RYR2: variants seen among roughly 807,000 people sequenced by gnomAD.
RYR2 encodes ryanodine receptor 2, also known as cardiac muscle ryanodine receptor-calcium release channel.
RYR2 carries 227 observed loss-of-function variants against 601.1 expected under a neutral mutation model. The observed-to-expected ratio is 0.38, with a 90% CI of 0.34 to 0.42. RYR2 has a LOEUF of 0.42. Among genes scored for constraint, RYR2 ranks in the 10% least tolerant of loss-of-function variants. The pLI, the probability that RYR2 is intolerant of heterozygous loss-of-function variation, is 1.00. For missense variants in RYR2, 4,646 were observed against 6,156.5 expected, an observed-to-expected ratio of 0.75 and a Z score of 8.21; for synonymous variants, 2,223 against 2,175.1, an observed-to-expected ratio of 1.02 and a Z score of -0.61.
At position 237,617,449 on chromosome 1, in the gene RYR2, G is replaced by A. The variant is rs1678599865; in HGVS notation, c.5879G>A (p.Arg1960Lys). The A allele has an allele frequency of 6.2e-7, 1 of 1,613,710 alleles. No individual in the cohort carries two copies. Among genetic ancestry groups the A allele is most frequent in the South Asian group, 1.1e-5 (1 of 91,064 alleles). Residue 1960 changes from arginine (R) to lysine (K), a missense_variant, in exon 38 of 105, where the codon AGG becomes AAG. Physicochemically the swap from Arg to Lys is conservative, Grantham distance 26. Coordinates refer to ENST00000366574, the MANE Select transcript of RYR2 (RefSeq NM_001035.3). ...AACATGTCAGCTGCACTCACAGCCA[G>A]GAAGACAAAGGAATTTAGATCACCA... ...ALNMSAALTARKTKEFRSPPQ... is the reference protein window; with the variant it reads ...ALNMSAALTAKKTKEFRSPPQ...
intron 1 of RYR2, among the ~76,000 whole-genome samples, chr1:237,206,064 C>T (rs1681779008): frequency 6.6e-6 from 1 of 152,206 alleles, no homozygotes; most frequent in African/African-American, 2.4e-5. Flanking sequence ...TCCAGGAGCT[C>T]CGGGAAGAAT....
At chr1:237,141,173 C>G (rs1414159302) in intron 1 of RYR2, among the ~76,000 whole-genome samples, 1 of 152,200 alleles carries the variant, frequency 6.6e-6, no homozygotes, top group African/African-American at 2.4e-5. Flanking sequence ...GCTGTAGCTG[C>G]TAGAATTTCT....
rs747428509 is a variant in RYR2 at position 237,261,259 on chromosome 1, C to A, written c.49-9238C>A. ...CCTCCCTGAATGGTTGCAGTGACCC[C>A]CCTTGGGTAACTGCTTCTTCCTTGC... On this transcript the variant is annotated intron_variant, in intron 1 of 104. Coordinates refer to ENST00000366574, the MANE Select transcript of RYR2 (RefSeq NM_001035.3). 1.1e-3 allele frequency among the ~76,000 whole-genome samples: 172 copies of A among 152,172 alleles called. 1 individual carries two copies. Among genetic ancestry groups the A allele is most frequent in the Non-Finnish European group, 1.4e-3 (93 of 68,038 alleles).
intron 98 of RYR2, among the ~76,000 whole-genome samples, chr1:237,803,466 A>G (rs908868273): frequency 6.6e-6 from 1 of 151,972 alleles, no homozygotes; most frequent in Non-Finnish European, 1.5e-5. Flanking sequence ...ACGCCCGGCT[A>G]ATTTTTTGTA....
Position 237,175,612 on chromosome 1 carries a change from G to A in RYR2, c.49-94885G>A, listed in dbSNP as rs577732863. 3.9e-5 allele frequency among the ~76,000 whole-genome samples: 6 copies of A among 152,122 alleles called. No homozygotes were observed. In the South Asian group the frequency reaches 1.2e-3, roughly 32 times the overall value. On this transcript the variant is annotated intron_variant, in intron 1 of 104. Coordinates refer to ENST00000366574, the MANE Select transcript of RYR2 (RefSeq NM_001035.3). ...CTGAACCATTGATGTGAACTCTTTG[G>A]GATCTACAGCATCATCCTTAATGCC...
intron 35 of RYR2, among the ~76,000 whole-genome samples, chr1:237,603,665 T>C (rs1209583369): frequency 6.6e-6 from 1 of 152,204 alleles, no homozygotes; most frequent in Non-Finnish European, 1.5e-5. Flanking sequence ...CCATCAGTGC[T>C]GTATTCAGGA....
intron 100 of RYR2, among the ~76,000 whole-genome samples, chr1:237,814,965 C>CTTTTTTTTTTTTTT (rs11314213): frequency 2.1e-4 from 20 of 93,908 alleles, no homozygotes; most frequent in East Asian, 4.8e-4. Context: ...TTTCTTTTTT[C>CTTTTTTTTTTTTTT]TTTTTTTTTT....
intron 79 of RYR2, among the ~76,000 whole-genome samples, chr1:237,740,889 A>G (rs1281269921): frequency 6.6e-6 from 1 of 152,156 alleles, no homozygotes; most frequent in Non-Finnish European, 1.5e-5. Flanking sequence ...GATGTACAGT[A>G]TGTATTGATG....
intron 101 of RYR2, among the ~76,000 whole-genome samples, chr1:237,824,806 A>T (rs2102887661): frequency 6.6e-6 from 1 of 152,344 alleles, no homozygotes; most frequent in Non-Finnish European, 1.5e-5. Flanking sequence ...CCTTATACTG[A>T]TAAGCAACTT....
At chr1:237,197,411 G>A (rs367733430) in intron 1 of RYR2, among the ~76,000 whole-genome samples, 3 of 151,978 alleles carry the variant, frequency 2.0e-5, no homozygotes, top group South Asian at 2.1e-4. Context: ...TACTTTCACC[G>A]AACTTAATTT....
At chr1:237,299,685 TCTG>T (rs1243115790) in intron 2 of RYR2, among the ~76,000 whole-genome samples, 2 of 151,968 alleles carry the variant, frequency 1.3e-5, no homozygotes, top group African/African-American at 4.8e-5. Context: ...TTTGACATGT[TCTG>T]CTAAGTTTTA....
At position 237,668,018 on chromosome 1, in the gene RYR2, G is replaced by A. The variant is rs1684474367; in HGVS notation, c.8590+60G>A. 2.5e-5 allele frequency: 33 copies of A among 1,308,934 alleles called. No homozygotes were observed. In the South Asian group the frequency reaches 4.1e-4, roughly 16 times the overall value. 81.1% of individuals were successfully genotyped at this position (1,308,934 alleles called of 1,614,324 possible). ...TCTGAGCTCAATTCCATGAGTGTAT[G>A]GATGAAGTCGTCTTCAGCACAACAG... On this transcript the variant is annotated intron_variant, in intron 58 of 104. Coordinates refer to ENST00000366574, the MANE Select transcript of RYR2 (RefSeq NM_001035.3).
chr1:237,793,789 C>T, intron 94 of RYR2, 78 bp from the exon 95 acceptor site: 1 of 1,092,796 alleles, frequency 9.2e-7, no homozygotes, highest in Non-Finnish European at 1.3e-6. Context: ...TTTCCAAAAG[C>T]TGTTTTGTAA....
At position 237,805,574 on chromosome 1, in the gene RYR2, C is replaced by CTTTTTTTTTTTTTTTTTTTTTTTT. The variant is rs1553334508; in HGVS notation, c.14152-562_14152-561insTTTTTTTTTTTTTTTTTTTTTTTT. ...CCAGCCTGGGCGACAGAGCTAGACTCTGTCTCAAAAAAAAAAAAAAAAAAA... is the reference window on the plus strand; with the variant it reads ...CCAGCCTGGGCGACAGAGCTAGACTCTTTTTTTTTTTTTTTTTTTTTTTTTGTCTCAAAAAAAAAAAAAAAAAAA... On this transcript the variant is annotated intron_variant, in intron 98 of 104. Coordinates refer to ENST00000366574, the MANE Select transcript of RYR2 (RefSeq NM_001035.3). Among the ~76,000 whole-genome samples, 95 of 100,404 alleles carry CTTTTTTTTTTTTTTTTTTTTTTTT rather than the reference C, an allele frequency of 9.5e-4. 3 individuals carry two copies. The highest frequency in any genetic ancestry group is 1.4e-3 in the Admixed American group (11 of 7,768). 65.9% of individuals were successfully genotyped at this position (100,404 alleles called of 152,430 possible).
chr1:237,457,417 A>C (rs1658969195), intron 16 of RYR2, among the ~76,000 whole-genome samples: 1 of 152,116 alleles, frequency 6.6e-6, no homozygotes, highest in South Asian at 2.1e-4. Context: ...TCTTGTCAAA[A>C]ACTAAAGGGT....
At chr1:237,593,693 T>G in intron 33 of RYR2, 57 bp downstream of exon 33, 15 of 1,510,542 alleles carry the variant, frequency 9.9e-6, no homozygotes, top group Non-Finnish European at 1.4e-5. Flanking sequence ...TTGGTGAACC[T>G]AGCTATTCCT....
At chr1:237,274,878 G>A (rs1690102991) in intron 2 of RYR2, among the ~76,000 whole-genome samples, 1 of 152,046 alleles carries the variant, frequency 6.6e-6, no homozygotes, top group Non-Finnish European at 1.5e-5. Context: ...GTCATGTGTT[G>A]TACAGGTTTG....
At chr1:237,325,819 C>T (rs1356366384) in intron 2 of RYR2, among the ~76,000 whole-genome samples, 2 of 152,022 alleles carry the variant, frequency 1.3e-5, no homozygotes, top group South Asian at 2.1e-4. Flanking sequence ...TGTTGTTTGA[C>T]GTCCCTACAA....
At chr1:237,583,575 A>T (rs1020454930) in intron 29 of RYR2, among the ~76,000 whole-genome samples, 3 of 152,152 alleles carry the variant, frequency 2.0e-5, no homozygotes, top group Non-Finnish European at 4.4e-5. Flanking sequence ...TTTTCTTCTG[A>T]TCAAAAAATG....
Sources: gnomAD v4.1 joint callset for allele counts (sites outside exome capture counted in the v4.1 genomes callset) on GRCh38, gnomAD v4.1.1 for gene constraint, MANE v1.5 for transcripts, NCBI Gene and HGNC (gene_info 2026-07-23, HGNC 2026-07-21) for gene names.